LUZP1: variants seen among roughly 807,000 people sequenced by gnomAD.
LUZP1 encodes leucine zipper protein 1, also known as filamin mechanobinding actin cross-linking protein.
In LUZP1, 25 loss-of-function variants were observed where a neutral mutation model predicts 71.3. That is an observed-to-expected ratio of 0.35 (90% CI 0.26 to 0.49). The LOEUF is 0.49. Among genes scored for constraint, LUZP1 ranks in the 20% least tolerant of loss-of-function variants. LUZP1 has a pLI of 0.99. For missense variants in LUZP1, 1,142 were observed against 1,300.8 expected, an observed-to-expected ratio of 0.88 and a Z score of 1.88; for synonymous variants, 481 against 506.4, an observed-to-expected ratio of 0.95 and a Z score of 0.67.
intron 3 of LUZP1, among the ~76,000 whole-genome samples, chr1:23,095,449 G>A (rs1235162686): frequency 6.6e-6 from 1 of 152,184 alleles, no homozygotes; most frequent in Non-Finnish European, 1.5e-5. Context: ...GCTAAAACCA[G>A]AGGAAAAGAA....
At chr1:23,124,414 C>T (rs1383770874) in intron 2 of LUZP1, among the ~76,000 whole-genome samples, 1 of 152,116 alleles carries the variant, frequency 6.6e-6, no homozygotes, top group Non-Finnish European at 1.5e-5. Context: ...AGTCAAGTGG[C>T]TAAGGACAGG....
chr1:23,111,244 G>A (rs1016682578), intron 2 of LUZP1, among the ~76,000 whole-genome samples: 2 of 144,522 alleles, frequency 1.4e-5, no homozygotes, highest in Non-Finnish European at 3.0e-5. Context: ...AAAACAGCTA[G>A]AAAATAAGTA....
chr1:23,091,740 G>A lies in LUZP1; in HGVS notation c.2522C>T (p.Pro841Leu), dbSNP rs1479221108. Reference sequence around the variant, plus strand: ...ATGTTTGTGAATGGAGAGCTCAAAAGGGGAGCTGACATGGTTGCTAACTGA... The same window carrying A: ...ATGTTTGTGAATGGAGAGCTCAAAAAGGGAGCTGACATGGTTGCTAACTGA... The change falls in exon 4 of 5, where the codon CCT becomes CTT. Residue 841 changes from proline (P) to leucine (L), a missense_variant. Pro to Leu is a moderately conservative substitution (Grantham distance 98). Transcript: ENST00000302291. 4 of 1,613,914 alleles carry A rather than the reference G, an allele frequency of 2.5e-6. No individual in the cohort carries two copies. Among genetic ancestry groups the A allele is most frequent in the Admixed American group, 1.7e-5 (1 of 60,002 alleles).
rs1643882277 is a variant in LUZP1, at chr1:23,094,400, A to C, written c.-119-20T>G. 1 of 1,421,748 alleles carries C rather than the reference A, an allele frequency of 7.0e-7. No individual in the cohort carries two copies. The highest frequency in any genetic ancestry group is 1.4e-5 in the African/African-American group (1 of 69,348). The allele number at this position is 1,421,748 out of a possible 1,614,324, so 88.1% of individuals were successfully genotyped here. On this transcript the variant is annotated intron_variant, in intron 3 of 4. Transcript: ENST00000302291. This position sits in a 1 kb window ranked among gnomAD's most constrained non-coding sequence, Gnocchi z 4.7. ...ATCAATCTACAAAAGGAAAGTAGAA[A>C]GCATGTCAGTCAGCAAATGTAAAAC...
exon 5 of LUZP1, chr1:23,084,802 T>A (rs1643736315): frequency 6.6e-6 from 1 of 152,204 alleles, no homozygotes; most frequent in East Asian, 1.9e-4. Context: ...GCAGTTAATG[T>A]TTCCAGTCCT....
intron 2 of LUZP1, among the ~76,000 whole-genome samples, chr1:23,143,851 G>C (rs1318435890): frequency 6.6e-6 from 1 of 152,248 alleles, no homozygotes; most frequent in East Asian, 1.9e-4. Flanking sequence ...TGAGGTTCAG[G>C]GAGGTTATGC....
chr1:23,097,388 T>C (rs577453933), intron 3 of LUZP1, among the ~76,000 whole-genome samples: 2 of 152,308 alleles, frequency 1.3e-5, no homozygotes, highest in South Asian at 2.1e-4. Flanking sequence ...TAGGAGGCTA[T>C]TGCAGTAATC....
intron 3 of LUZP1, among the ~76,000 whole-genome samples, chr1:23,107,628 C>T (rs111372113): frequency 0.013 from 1,932 of 152,244 alleles, 54 homozygotes; most frequent in African/African-American, 0.044. Context: ...TGGTGAAACC[C>T]TGTCTCTACA....
At position 23,093,462 on chromosome 1, in the gene LUZP1, A is replaced by G; in HGVS notation, c.800T>C (p.Val267Ala). ...TGATTTGTTTCTTGTTTCATTCTCT[A>G]CCTGCTTTAGGTAGTCCAGACCACC... The change falls in exon 4 of 5, where the codon GTA becomes GCA. Residue 267 changes from valine (V) to alanine (A), a missense_variant. Physicochemically the swap from Val to Ala is moderately conservative, Grantham distance 64. Coordinates refer to ENST00000302291, the Ensembl canonical transcript of LUZP1. This position sits in a 1 kb window ranked among gnomAD's most constrained non-coding sequence, Gnocchi z 4.2. 1 of 1,612,876 alleles carries G rather than the reference A, an allele frequency of 6.2e-7. No individual in the cohort carries two copies. Among genetic ancestry groups the G allele is most frequent in the East Asian group, 2.2e-5 (1 of 44,866 alleles).
exon 5 of LUZP1, chr1:23,088,647 A>G (rs898051022): frequency 2.9e-5 from 12 of 416,376 alleles, no homozygotes; most frequent in African/African-American, 2.4e-4. Flanking sequence ...CTTGGTGGAC[A>G]GGGACAAGGA....
At chr1:23,095,149 CAT>C (rs1407779204) in intron 3 of LUZP1, among the ~76,000 whole-genome samples, 5 of 152,234 alleles carry the variant, frequency 3.3e-5, no homozygotes, top group African/African-American at 1.2e-4. Flanking sequence ...ATATACCAAA[CAT>C]ATAATAATAC....
At chr1:23,089,238 A>C (rs766767120) in intron 4 of LUZP1, among the ~76,000 whole-genome samples, 185 bp from the exon 4 acceptor site, 8 of 152,196 alleles carry the variant, frequency 5.3e-5, no homozygotes, top group Non-Finnish European at 1.2e-4. Context: ...ATTCCTTGGA[A>C]ATCGGCAGAC....
exon 5 of LUZP1, chr1:23,088,838 G>T: frequency 6.3e-7 from 1 of 1,586,952 alleles, no homozygotes; most frequent in Non-Finnish European, 8.6e-7. Context: ...CGTGGGGCAG[G>T]ACGGTGGAAG....
chr1:23,085,094 G>A (rs920671183), exon 5 of LUZP1: 2 of 152,626 alleles, frequency 1.3e-5, no homozygotes, highest in African/African-American at 4.8e-5. Context: ...CTGAGCCACT[G>A]CTTTGCCCTG....
chr1:23,171,902 C>G (rs1229098345), intron 1 of LUZP1, among the ~76,000 whole-genome samples: 1 of 152,172 alleles, frequency 6.6e-6, no homozygotes, highest in Non-Finnish European at 1.5e-5. Context: ...GACCCATGAT[C>G]CCAGCAACCA....
chr1:23,138,552 A>T (rs924244280), intron 2 of LUZP1, among the ~76,000 whole-genome samples: 1 of 152,010 alleles, frequency 6.6e-6, no homozygotes. Flanking sequence ...GGGTGATAAA[A>T]ATGTTCTGAA....
intron 2 of LUZP1, among the ~76,000 whole-genome samples, chr1:23,166,653 CAAAAAAA>C (rs538327046): frequency 1.3e-4 from 9 of 70,894 alleles, no homozygotes; most frequent in South Asian, 6.4e-4. Context: ...CACTCCGTCT[CAAAAAAA>C]AAAAAAAAAA....
intron 2 of LUZP1, among the ~76,000 whole-genome samples, chr1:23,131,219 C>CAAAAAAAAAAAAAAAAA (rs71020480): frequency 2.2e-5 from 1 of 45,032 alleles, no homozygotes; most frequent in African/African-American, 1.0e-4. Context: ...GACTCCATCT[C>CAAAAAAAAAAAAAAAAA]AAAAAAAAAA....
chr1:23,105,761 CA>C (rs1288367444), intron 3 of LUZP1, among the ~76,000 whole-genome samples: 2 of 152,088 alleles, frequency 1.3e-5, no homozygotes, highest in Non-Finnish European at 2.9e-5. Context: ...TGTTCAAAAA[CA>C]AAATATAACC....
Sources: gnomAD v4.1 joint callset for allele counts (sites outside exome capture counted in the v4.1 genomes callset) on GRCh38, gnomAD v4.1.1 for gene constraint, Gnocchi (gnomAD v3.1) non-coding constraint, MANE v1.5 for transcripts, NCBI Gene and HGNC (gene_info 2026-07-23, HGNC 2026-07-21) for gene names.